The following PLCZ1 variants were observed in gnomAD, a reference collection of about 807,000 sequenced individuals.
The protein encoded by PLCZ1 is phospholipase C zeta 1, also known as 1-phosphatidylinositol 4,5-bisphosphate phosphodiesterase zeta-1.
Under a neutral mutation model 76.8 loss-of-function variants are expected in PLCZ1, and 64 were observed. That is an observed-to-expected ratio of 0.83 (90% CI 0.68 to 1.03). PLCZ1 has a LOEUF of 1.03. PLCZ1 is among the 50% of genes least tolerant of loss of function. PLCZ1 has a pLI of 0.00. For missense variants in PLCZ1, 751 were observed against 713.7 expected, an observed-to-expected ratio of 1.05 and a Z score of -0.60; for synonymous variants, 248 against 230.8, an observed-to-expected ratio of 1.07 and a Z score of -0.68.
chr12:18,680,016 T>C (rs1260046196), downstream of PLCZ1, among the ~76,000 whole-genome samples: 1 of 152,026 alleles, frequency 6.6e-6, no homozygotes, highest in African/African-American at 2.4e-5. Flanking sequence ...TCAAATTTTA[T>C]GGCCTAAGAA....
At chr12:18,663,892 C>T in the PLCZ1 span, among the ~76,000 whole-genome samples, 1 of 152,070 alleles carries the variant, frequency 6.6e-6, no homozygotes, top group Non-Finnish European at 1.5e-5. Flanking sequence ...ATTCCTAAAA[C>T]ACAATAACCA....
chr12:18,687,292 C>G (rs761579791), intron 13 of PLCZ1, among the ~76,000 whole-genome samples: 3 of 152,066 alleles, frequency 2.0e-5, no homozygotes, highest in Non-Finnish European at 4.4e-5. Flanking sequence ...GAAAACTGTG[C>G]CTGCTACTCT....
Position 18,737,516 on chromosome 12 carries a change from A to C in PLCZ1, c.-138-7T>G. The C allele has an allele frequency of 2.7e-6, 3 of 1,102,052 alleles. No individual in the cohort carries two copies. In the South Asian group the frequency reaches 4.0e-5, roughly 15 times the overall value. 68.3% of individuals were successfully genotyped at this position (1,102,052 alleles called of 1,614,324 possible). ...ATCAGCTGTTACCACTTTTCTAGGG[A>C]GAAAGCAGAGAACACACAGTGGTTT... On this transcript the variant is annotated splice_region_variant and splice_polypyrimidine_tract_variant and intron_variant, in intron 1 of 14. Coordinates refer to ENST00000266505, the MANE Select transcript of PLCZ1 (RefSeq NM_033123.4).
the PLCZ1 span, among the ~76,000 whole-genome samples, chr12:18,665,890 G>A: frequency 8.6e-5 from 13 of 150,320 alleles, no homozygotes; most frequent in South Asian, 4.2e-4. Flanking sequence ...AGCCAAGATC[G>A]CGCCATTGTA....
Position 18,728,570 on chromosome 12 carries a change from G to T in PLCZ1, c.136-5028C>A, listed in dbSNP as rs181389113. On this transcript the variant is annotated intron_variant, in intron 3 of 14. Coordinates refer to ENST00000266505, the MANE Select transcript of PLCZ1 (RefSeq NM_033123.4). The stretch of plus-strand genomic sequence containing the variant: ...AGAAGGAGTGGTCACAGGACAGAAG[G>T]AGAAGGACTGATCACAGATTTGAAG... Among the ~76,000 whole-genome samples, 455 of 152,272 alleles carry T rather than the reference G, an allele frequency of 3.0e-3. 1 individual carries two copies. The highest frequency in any genetic ancestry group is 0.01 in the African/African-American group (435 of 41,588).
At chr12:18,659,595 T>C in the PLCZ1 span, among the ~76,000 whole-genome samples, 2 of 152,014 alleles carry the variant, frequency 1.3e-5, no homozygotes, top group African/African-American at 4.8e-5. Context: ...ATATCCACAT[T>C]AGAATCACAC....
At chr12:18,707,554 C>T (rs886114805) in intron 6 of PLCZ1, among the ~76,000 whole-genome samples, 2 of 152,188 alleles carry the variant, frequency 1.3e-5, no homozygotes, top group African/African-American at 2.4e-5. Flanking sequence ...TTACCAAAGG[C>T]TGTTTTAAGG....
chr12:18,699,748 T>A, intron 10 of PLCZ1, 46 bp downstream of exon 10: 12 of 1,554,606 alleles, frequency 7.7e-6, no homozygotes, highest in Non-Finnish European at 1.1e-5. Context: ...TAGCAGTGAA[T>A]CTAACTCATT....
chr12:18,727,733 T>C (rs967047411), intron 3 of PLCZ1, among the ~76,000 whole-genome samples: 16 of 152,158 alleles, frequency 1.1e-4, no homozygotes, highest in African/African-American at 3.9e-4. Flanking sequence ...AGAAATCCCA[T>C]AGATTTTCGT....
chr12:18,696,225 T>A lies in PLCZ1; in HGVS notation c.1216A>T (p.Ile406Leu). 1 of 1,599,958 alleles carries A rather than the reference T, an allele frequency of 6.3e-7. No individual in the cohort carries two copies. Among genetic ancestry groups the A allele is most frequent in the Non-Finnish European group, 8.5e-7 (1 of 1,170,740 alleles). ...TCTGCTCTTGTTGCTTTGGGATATA[T>A]TCTGGTAATGAACTTCCTGGTGTGA... ...IFHTRKFITR[I>L]YPKATRADSS... Residue 406 changes from isoleucine (I) to leucine (L), a missense_variant, in exon 11 of 15, where the codon ATA becomes TTA. Coordinates refer to ENST00000266505, the MANE Select transcript of PLCZ1 (RefSeq NM_033123.4).
rs1344368313 is a variant in PLCZ1 at position 18,713,121 on chromosome 12, G to C, written c.570-135C>G. The C allele has an allele frequency of 8.3e-6, 10 of 1,206,612 alleles. No individual in the cohort carries two copies. The African/African-American group carries it at 1.5e-4, about 18-fold the overall frequency. The allele number at this position is 1,206,612 out of a possible 1,614,324, so 74.7% of individuals were successfully genotyped here. A position where few individuals can be genotyped will look rare whatever the true frequency, so the allele number is the denominator to read the frequency against. ...AGTCCATAAAACTCTATAAAAACTT[G>C]TCTTTGGGACAAGTTTTGAGTCTCT... On this transcript the variant is annotated intron_variant, in intron 5 of 14. Transcript: ENST00000266505.
the PLCZ1 span, among the ~76,000 whole-genome samples, chr12:18,673,911 G>C: frequency 1.3e-5 from 2 of 152,276 alleles, no homozygotes; most frequent in African/African-American, 4.8e-5. Flanking sequence ...ATCATAGTGT[G>C]CAAGCCAAGA....
At chr12:18,695,362 C>G (rs1006797678) in intron 11 of PLCZ1, among the ~76,000 whole-genome samples, 2 of 152,124 alleles carry the variant, frequency 1.3e-5, no homozygotes, top group Non-Finnish European at 2.9e-5. Flanking sequence ...TAACAATGTT[C>G]ATGTCAGGTA....
At chr12:18,671,894 T>C in the PLCZ1 span, among the ~76,000 whole-genome samples, 4 of 152,060 alleles carry the variant, frequency 2.6e-5, no homozygotes, top group African/African-American at 9.7e-5. Context: ...TGAAGGCTCA[T>C]CTCCCATATA....
downstream of PLCZ1, among the ~76,000 whole-genome samples, chr12:18,680,216 T>C (rs1348911679): frequency 3.3e-5 from 5 of 152,020 alleles, no homozygotes; most frequent in Non-Finnish European, 5.9e-5. Context: ...CATAAGCATT[T>C]CACTCAAAAG....
the PLCZ1 span, among the ~76,000 whole-genome samples, chr12:18,673,318 T>G: frequency 1.3e-5 from 2 of 152,140 alleles, no homozygotes; most frequent in African/African-American, 4.8e-5. Context: ...GTATATAAGT[T>G]ATTGAAATGA....
the PLCZ1 span, among the ~76,000 whole-genome samples, chr12:18,663,588 A>C: frequency 6.6e-6 from 1 of 152,098 alleles, no homozygotes; most frequent in African/African-American, 2.4e-5. Context: ...CCTTGTAAAA[A>C]TTAACTTAAA....
At chr12:18,696,119 T>G (rs1954941758) in intron 11 of PLCZ1, 31 bp downstream of exon 11, 1 of 1,140,202 alleles carries the variant, frequency 8.8e-7, no homozygotes. Flanking sequence ...ATGTTACTTC[T>G]GCAAACAACT....
chr12:18,707,826 T>A (rs1008842133), intron 6 of PLCZ1, among the ~76,000 whole-genome samples: 8 of 152,164 alleles, frequency 5.3e-5, no homozygotes, highest in Non-Finnish European at 1.0e-4. Context: ...TCTCCACTGC[T>A]CAAAGCCTTG....
Sources: gnomAD v4.1 joint callset for allele counts (sites outside exome capture counted in the v4.1 genomes callset) on GRCh38, gnomAD v4.1.1 for gene constraint, MANE v1.5 for transcripts, NCBI Gene and HGNC (gene_info 2026-07-23, HGNC 2026-07-21) for gene names.